LHFPL3: variants seen among roughly 807,000 people sequenced by gnomAD.
LHFPL3 encodes LHFPL tetraspan subfamily member 3 protein.
LHFPL3 carries 5 observed loss-of-function variants against 19.3 expected under a neutral mutation model. The observed-to-expected ratio is 0.26, with a 90% CI of 0.14 to 0.54. The LOEUF is 0.54. Among genes scored for constraint, LHFPL3 ranks in the 20% least tolerant of loss-of-function variants. The pLI is 0.94. For synonymous variants in LHFPL3, 133 were observed against 126.2 expected (o/e 1.05, Z -0.36); for missense variants, 249 against 307.4 (o/e 0.81, Z 1.42).
rs773724186 is a variant in LHFPL3 at position 104,736,666 on chromosome 7, C to G, written c.446-9C>G. The G allele has an allele frequency of 3.8e-6, 6 of 1,584,410 alleles. No individual in the cohort carries two copies. The highest frequency in any genetic ancestry group is 5.2e-6 in the Non-Finnish European group (6 of 1,157,022). On this transcript the variant is annotated splice_polypyrimidine_tract_variant and intron_variant, in intron 1 of 2. Coordinates refer to ENST00000424859, the MANE Select transcript of LHFPL3 (RefSeq NM_199000.3). Reference sequence around the variant, plus strand: ...TTGTTTCTTTTGTTTTTCTCTCTTTCTCTCCAAGCTGCCTGCCTTGTGCTT... The same window carrying G: ...TTGTTTCTTTTGTTTTTCTCTCTTTGTCTCCAAGCTGCCTGCCTTGTGCTT...
At chr7:104,694,477 C>T (rs1792962128) in intron 1 of LHFPL3, among the ~76,000 whole-genome samples, 1 of 152,184 alleles carries the variant, frequency 6.6e-6, no homozygotes, top group Admixed American at 6.5e-5. Flanking sequence ...ATCGAATTAG[C>T]ATAGTTAACT....
chr7:104,669,717 A>G, intron 1 of LHFPL3: 1 of 999,610 alleles, frequency 1.0e-6, no homozygotes, highest in South Asian at 1.7e-5. Context: ...AAAACAAAAA[A>G]TGAAATTATT....
chr7:104,424,921 G>A (rs1791809566), intron 1 of LHFPL3, among the ~76,000 whole-genome samples: 1 of 144,488 alleles, frequency 6.9e-6, no homozygotes, highest in Admixed American at 7.5e-5. Flanking sequence ...GGAAGAGCTT[G>A]CAGTGAGCGG....
chr7:104,422,124 G>T (rs1160914928), intron 1 of LHFPL3, among the ~76,000 whole-genome samples: 2 of 152,362 alleles, frequency 1.3e-5, no homozygotes, highest in Non-Finnish European at 2.9e-5. Flanking sequence ...ACTTTGGGAG[G>T]CTGAGGTGGG....
chr7:104,527,907 C>T (rs1794220669), intron 1 of LHFPL3, among the ~76,000 whole-genome samples: 1 of 152,186 alleles, frequency 6.6e-6, no homozygotes, highest in Non-Finnish European at 1.5e-5. Flanking sequence ...AGGGCAGAAA[C>T]TATACTTTTA....
chr7:104,838,469 G>C (rs1791139346), intron 2 of LHFPL3, among the ~76,000 whole-genome samples: 1 of 152,210 alleles, frequency 6.6e-6, no homozygotes, highest in Admixed American at 6.5e-5. Context: ...GCTGACTTGA[G>C]TATAAAGACA....
intron 1 of LHFPL3, among the ~76,000 whole-genome samples, chr7:104,703,708 C>T (rs910826420): frequency 1.3e-5 from 2 of 152,196 alleles, no homozygotes; most frequent in Admixed American, 1.3e-4. Context: ...TCAACCTTTT[C>T]ATACTTGTTG....
intron 1 of LHFPL3, among the ~76,000 whole-genome samples, chr7:104,592,347 G>A (rs900168703): frequency 8.6e-5 from 13 of 151,592 alleles, no homozygotes; most frequent in Non-Finnish European, 1.8e-4. Context: ...CTAACAGTAA[G>A]GACCCTCAGC....
intron 1 of LHFPL3, among the ~76,000 whole-genome samples, chr7:104,672,340 T>A (rs1424657976): frequency 2.6e-5 from 4 of 152,224 alleles, no homozygotes; most frequent in Non-Finnish European, 4.4e-5. Flanking sequence ...TTTTATAGTC[T>A]TTCTGATGGT....
intron 2 of LHFPL3, among the ~76,000 whole-genome samples, chr7:104,842,063 T>C (rs1584570108): frequency 6.6e-6 from 1 of 151,970 alleles, no homozygotes; most frequent in East Asian, 1.9e-4. Flanking sequence ...TCCCCCACCA[T>C]GAATATTTCA....
intron 2 of LHFPL3, among the ~76,000 whole-genome samples, chr7:104,887,468 A>G (rs929010565): frequency 6.6e-6 from 1 of 152,234 alleles, no homozygotes; most frequent in African/African-American, 2.4e-5. Flanking sequence ...CTGAGATTCC[A>G]GGGGCAAGGG....
intron 1 of LHFPL3, among the ~76,000 whole-genome samples, chr7:104,488,293 A>G (rs1220487395): frequency 6.6e-6 from 1 of 152,110 alleles, no homozygotes; most frequent in Non-Finnish European, 1.5e-5. Context: ...GTGCTTTTGG[A>G]TGGCTTCCAA....
chr7:104,761,616 G>C (rs189572906), intron 2 of LHFPL3, among the ~76,000 whole-genome samples: 33 of 152,098 alleles, frequency 2.2e-4, no homozygotes, highest in Non-Finnish European at 2.9e-4. Flanking sequence ...AAAATAAAAA[G>C]TAGATTCCTA....
intron 2 of LHFPL3, among the ~76,000 whole-genome samples, chr7:104,793,524 A>G (rs1199436065): frequency 6.6e-6 from 1 of 152,212 alleles, no homozygotes; most frequent in East Asian, 1.9e-4. Context: ...ATGTCAGGGT[A>G]AAAATCAATA....
intron 2 of LHFPL3, among the ~76,000 whole-genome samples, chr7:104,806,150 G>T (rs941411186): frequency 6.6e-6 from 1 of 152,132 alleles, no homozygotes; most frequent in Non-Finnish European, 1.5e-5. Context: ...TTCAGACAGA[G>T]AACAAGATTG....
chr7:104,592,617 A>G (rs1012212519), intron 1 of LHFPL3, among the ~76,000 whole-genome samples: 10 of 152,064 alleles, frequency 6.6e-5, no homozygotes, highest in Non-Finnish European at 1.0e-4. Flanking sequence ...GAGAACCACT[A>G]TTCTCTTCAA....
At chr7:104,837,059 A>C (rs1791112274) in intron 2 of LHFPL3, among the ~76,000 whole-genome samples, 1 of 152,202 alleles carries the variant, frequency 6.6e-6, no homozygotes, top group Non-Finnish European at 1.5e-5. Flanking sequence ...TTGGGCAGGG[A>C]ATCAGAAACC....
intron 2 of LHFPL3, among the ~76,000 whole-genome samples, chr7:104,830,619 G>A (rs971713027): frequency 3.3e-5 from 5 of 151,874 alleles, no homozygotes; most frequent in Admixed American, 3.3e-4. Flanking sequence ...TTTTTCTCAG[G>A]TTTGTCAAAG....
chr7:104,742,287 T>C (rs1454512196), intron 2 of LHFPL3, among the ~76,000 whole-genome samples: 6 of 152,212 alleles, frequency 3.9e-5, no homozygotes, highest in Non-Finnish European at 7.3e-5. Flanking sequence ...TCTTATCAGA[T>C]AATTGGGTCC....
Sources: allele counts gnomAD v4.1 joint callset (sites outside exome capture counted in the v4.1 genomes callset), GRCh38; gene constraint gnomAD v4.1.1; transcripts MANE v1.5; gene names NCBI Gene and HGNC (gene_info 2026-07-23, HGNC 2026-07-21).